The following POLR2B variants were observed in gnomAD, a reference collection of about 807,000 sequenced individuals.
POLR2B encodes RNA polymerase II subunit B, also known as DNA-directed RNA polymerase II subunit RPB2.
A neutral mutation model predicts 144.6 loss-of-function variants in POLR2B; 57 were observed. The observed-to-expected ratio is 0.39, with a 90% CI of 0.32 to 0.49. The LOEUF (loss-of-function observed/expected upper bound fraction) is 0.49. Ranked by LOEUF, POLR2B falls within the 20% of genes least tolerant of loss-of-function variation. The pLI is 0.83. For synonymous variants in POLR2B, 442 were observed against 469.8 expected (o/e 0.94, Z 0.77); for missense variants, 595 against 1,467.4 (o/e 0.41, Z 9.71).
chr4:57,014,072 C>T (rs1392097887), intron 13 of POLR2B, among the ~76,000 whole-genome samples: 1 of 152,152 alleles, frequency 6.6e-6, no homozygotes, highest in East Asian at 1.9e-4. Flanking sequence ...GAATACTACT[C>T]ATGATATTTT....
At chr4:56,992,208 A>T (rs1722529276) in intron 3 of POLR2B, among the ~76,000 whole-genome samples, 1 of 152,022 alleles carries the variant, frequency 6.6e-6, no homozygotes, top group South Asian at 2.1e-4. Flanking sequence ...CATGCCTATA[A>T]TTTTAGCACT....
At chr4:56,997,629 T>G (rs1327167230) in intron 6 of POLR2B, among the ~76,000 whole-genome samples, 1 of 152,222 alleles carries the variant, frequency 6.6e-6, no homozygotes, top group Non-Finnish European at 1.5e-5. Context: ...AGAGAGAAAC[T>G]GGAAGGACAT....
At chr4:57,026,798 T>A (rs929130571) in intron 23 of POLR2B, among the ~76,000 whole-genome samples, 2 of 152,136 alleles carry the variant, frequency 1.3e-5, no homozygotes, top group Admixed American at 1.3e-4. Flanking sequence ...CCATGTTTAA[T>A]GAAAAATATA....
chr4:57,017,342 GA>G lies in POLR2B; in HGVS notation c.2154+105del. The G allele has an allele frequency of 1.1e-6, 1 of 903,416 alleles. No individual in the cohort carries two copies. 56.0% of individuals were successfully genotyped at this position (903,416 alleles called of 1,614,324 possible). On this transcript the variant is annotated intron_variant, in intron 15 of 24. Transcript: ENST00000314595. This position sits in a 1 kb window ranked among gnomAD's most constrained non-coding sequence, Gnocchi z 4.8. ...ATCTGGAGGGAAAAAGCCTTTTAAT[GA>G]AAAGGCTATTAACTCCTACGGAATC...
At chr4:57,026,846 T>G (rs1260287820) in intron 23 of POLR2B, among the ~76,000 whole-genome samples, 1 of 152,220 alleles carries the variant, frequency 6.6e-6, no homozygotes, top group East Asian at 1.9e-4. Context: ...AGAATAACAT[T>G]GGTTTACATT....
chr4:57,022,358 T>A, intron 18 of POLR2B, 112 bp downstream of exon 18: 1 of 629,926 alleles, frequency 1.6e-6, no homozygotes, highest in East Asian at 2.8e-5. Context: ...CTCCTCTCCC[T>A]TTTTTTGTGC....
At position 56,978,953 on chromosome 4, in the gene POLR2B, C is replaced by T. The variant is rs1452615014; in HGVS notation, c.-33C>T. 3 of 1,611,598 alleles carry T rather than the reference C, an allele frequency of 1.9e-6. No individual in the cohort carries two copies. Among genetic ancestry groups the T allele is most frequent in the Non-Finnish European group, 2.5e-6 (3 of 1,178,280 alleles). On this transcript the variant is annotated 5_prime_UTR_variant, in exon 1 of 25. Coordinates refer to ENST00000314595, the MANE Select transcript of POLR2B (RefSeq NM_000938.3). ...CTGGGCGGTTTTTGTCTTTTGATTT[C>T]AAGAGTTAGGAGCTCGAGAACCGTT...
At chr4:57,019,759 CTTTTTTTTTTTT>C (rs71208972) in intron 16 of POLR2B, among the ~76,000 whole-genome samples, 1 of 98,196 alleles carries the variant, frequency 1.0e-5, no homozygotes, top group East Asian at 3.3e-4. Flanking sequence ...CTAATGATGT[CTTTTTTTTTTTT>C]TTTTTTTTTT....
rs1723521032 is a variant in POLR2B at position 57,020,909 on chromosome 4, A to G, written c.2334A>G (p.Ser778=). ...TTAAATTCACTGCAGGCATCAACTC[A>G]ATTGTGGCCATTGCATCATACACTG... ...RFRELPAGIN[S]IVAIASYTGY... Residue 778 remains serine (S), a synonymous_variant, in exon 17 of 25, where the codon TCA becomes TCG. Transcript: ENST00000314595. 1.9e-6 allele frequency: 3 copies of G among 1,579,878 alleles called. No homozygotes were observed. Among genetic ancestry groups the G allele is most frequent in the Non-Finnish European group, 1.7e-6 (2 of 1,148,904 alleles).
At chr4:56,990,559 A>G (rs542724543) in intron 2 of POLR2B, among the ~76,000 whole-genome samples, 189 bp from the exon 3 acceptor site, 1 of 152,340 alleles carries the variant, frequency 6.6e-6, no homozygotes, top group South Asian at 2.1e-4. Context: ...AATAAGTTCT[A>G]CAAAGAAAAT....
At chr4:56,997,361 G>A (rs1722721604) in intron 6 of POLR2B, among the ~76,000 whole-genome samples, 1 of 151,806 alleles carries the variant, frequency 6.6e-6, no homozygotes, top group South Asian at 2.1e-4. Context: ...TGGCCCAAGC[G>A]ATTCTCGTAC....
chr4:57,022,626 A>T (rs1303481664), intron 18 of POLR2B, among the ~76,000 whole-genome samples: 1 of 152,226 alleles, frequency 6.6e-6, no homozygotes, highest in Non-Finnish European at 1.5e-5. Context: ...CATTTAAAAA[A>T]TAACCAGTGA....
At chr4:57,030,022 C>G (rs1055887153) in intron 23 of POLR2B, among the ~76,000 whole-genome samples, 182 bp from the exon 24 acceptor site, 1 of 152,118 alleles carries the variant, frequency 6.6e-6, no homozygotes, top group African/African-American at 2.4e-5. Context: ...TGGGGACTTT[C>G]TAATGCACGT....
At chr4:57,019,873 G>T (rs1723487023) in intron 16 of POLR2B, among the ~76,000 whole-genome samples, 1 of 150,306 alleles carries the variant, frequency 6.7e-6, no homozygotes, top group Admixed American at 6.7e-5. Flanking sequence ...TAATTGCATG[G>T]TTCTTTAGTT....
chr4:56,982,406 C>CA (rs944860428), intron 1 of POLR2B, among the ~76,000 whole-genome samples: 3 of 151,812 alleles, frequency 2.0e-5, no homozygotes, highest in Non-Finnish European at 2.9e-5. Context: ...CTCATCTCTA[C>CA]AAAAAAATTT....
chr4:57,015,682 T>C, intron 14 of POLR2B, 26 bp downstream of exon 14: 1 of 1,199,996 alleles, frequency 8.3e-7, no homozygotes, highest in East Asian at 2.8e-5. Flanking sequence ...GAGAAAAATG[T>C]GTGTATTAAA....
intron 18 of POLR2B, 115 bp downstream of exon 18, chr4:57,022,361 T>C (rs2109714270): frequency 3.1e-6 from 2 of 640,108 alleles, no homozygotes; most frequent in East Asian, 5.5e-5. Flanking sequence ...CTCTCCCTTT[T>C]TTTGTGCAAT....
chr4:56,980,867 C>T (rs1481419068), intron 1 of POLR2B, among the ~76,000 whole-genome samples: 2 of 151,286 alleles, frequency 1.3e-5, no homozygotes, highest in African/African-American at 4.9e-5. Context: ...TGTGGTGGCG[C>T]AATCTCGGCT....
chr4:56,986,721 G>A (rs1391659533), intron 2 of POLR2B: 1 of 205,574 alleles, frequency 4.9e-6, no homozygotes, highest in Non-Finnish European at 9.6e-6. Flanking sequence ...TTGACCCTGG[G>A]AGGTTGAGGT....
Sources: gnomAD v4.1 joint callset for allele counts (sites outside exome capture counted in the v4.1 genomes callset) on GRCh38, gnomAD v4.1.1 for gene constraint, Gnocchi (gnomAD v3.1) non-coding constraint, MANE v1.5 for transcripts, NCBI Gene and HGNC (gene_info 2026-07-23, HGNC 2026-07-21) for gene names.